The following ABTB3 variants were observed in gnomAD, a reference collection of about 807,000 sequenced individuals.
The protein encoded by ABTB3 is ankyrin repeat and BTB domain containing 3.
At chr12:107,432,948 T>C in the ABTB3 span, among the ~76,000 whole-genome samples, 1 of 152,152 alleles carries the variant, frequency 6.6e-6, no homozygotes, top group Non-Finnish European at 1.5e-5. Flanking sequence ...ACACACCTAT[T>C]TGCCTGCTTC....
chr12:107,387,339 C>T, the ABTB3 span, among the ~76,000 whole-genome samples: 7,586 of 152,216 alleles, frequency 0.05, 228 homozygotes, highest in Middle Eastern at 0.092. Flanking sequence ...CCTGCTCCTG[C>T]GGGTAAGTCT....
the ABTB3 span, among the ~76,000 whole-genome samples, chr12:107,646,290 C>A: frequency 1.3e-5 from 2 of 152,200 alleles, no homozygotes; most frequent in Admixed American, 1.3e-4. Flanking sequence ...CCTAGGCCAG[C>A]CCAATTTAAA....
the ABTB3 span, among the ~76,000 whole-genome samples, chr12:107,434,869 GAA>G: frequency 7.5e-6 from 1 of 132,758 alleles, no homozygotes. Context: ...GTTGTCTTGG[GAA>G]AAAAAAAAAA....
At chr12:107,325,715 C>T in the ABTB3 span, among the ~76,000 whole-genome samples, 6 of 152,132 alleles carry the variant, frequency 3.9e-5, no homozygotes, top group African/African-American at 1.4e-4. Flanking sequence ...TCATTATTAC[C>T]AGACTTATTA....
the ABTB3 span, among the ~76,000 whole-genome samples, chr12:107,514,237 G>A: frequency 6.6e-6 from 1 of 152,184 alleles, no homozygotes; most frequent in African/African-American, 2.4e-5. Context: ...CTTGCCGCCA[G>A]GCCAGTCCCA....
the ABTB3 span, among the ~76,000 whole-genome samples, chr12:107,465,951 A>G: frequency 6.6e-6 from 1 of 152,236 alleles, no homozygotes; most frequent in Non-Finnish European, 1.5e-5. Context: ...ATCACTTACC[A>G]AAGCCCTACT....
At chr12:107,494,640 T>C in the ABTB3 span, among the ~76,000 whole-genome samples, 4 of 152,156 alleles carry the variant, frequency 2.6e-5, no homozygotes, top group Non-Finnish European at 5.9e-5. Flanking sequence ...CTCTTTAATA[T>C]TCTTCTTCAG....
the ABTB3 span, among the ~76,000 whole-genome samples, chr12:107,372,963 A>G: frequency 3.9e-5 from 6 of 152,252 alleles, no homozygotes; most frequent in Admixed American, 3.3e-4. Context: ...TGGCCTAGAC[A>G]ATTCTTTCTT....
chr12:107,375,422 AATCATC>A, the ABTB3 span, among the ~76,000 whole-genome samples: 9,397 of 148,248 alleles, frequency 0.063, 698 homozygotes, highest in African/African-American at 0.18. Context: ...TGGTGTCAGA[AATCATC>A]ATCATCATCA....
chr12:107,568,833 G>C, the ABTB3 span, among the ~76,000 whole-genome samples: 2 of 124,294 alleles, frequency 1.6e-5, no homozygotes, highest in Non-Finnish European at 3.7e-5. Context: ...CGAAGCCCAG[G>C]GGGTGGAACA....
At chr12:107,549,784 G>C in the ABTB3 span, among the ~76,000 whole-genome samples, 313 of 152,306 alleles carry the variant, frequency 2.1e-3, 2 homozygotes, top group African/African-American at 7.1e-3. Flanking sequence ...ATCTGGCCTG[G>C]AGGTACCAGA....
the ABTB3 span, among the ~76,000 whole-genome samples, chr12:107,422,633 G>T: frequency 2.0e-5 from 3 of 152,154 alleles, no homozygotes; most frequent in Non-Finnish European, 4.4e-5. Flanking sequence ...GCAAGATTTG[G>T]GATCTATTTT....
At chr12:107,536,483 C>T in the ABTB3 span, among the ~76,000 whole-genome samples, 1 of 151,908 alleles carries the variant, frequency 6.6e-6, no homozygotes, top group African/African-American at 2.4e-5. Context: ...TAGTTGCAAA[C>T]TATTCACCTG....
At chr12:107,579,504 C>T in the ABTB3 span, among the ~76,000 whole-genome samples, 3 of 152,322 alleles carry the variant, frequency 2.0e-5, no homozygotes, top group East Asian at 5.8e-4. Context: ...TGGTCCTAGG[C>T]ATTCAGATGA....
At chr12:107,320,636 G>T in the ABTB3 span, 1 of 456,118 alleles carries the variant, frequency 2.2e-6, no homozygotes, top group Non-Finnish European at 4.4e-6. Flanking sequence ...AGTCGTAAAG[G>T]TGTGTGTGGT....
the ABTB3 span, among the ~76,000 whole-genome samples, chr12:107,332,096 C>G: frequency 6.6e-6 from 1 of 152,362 alleles, no homozygotes; most frequent in Admixed American, 6.5e-5. Context: ...TTTCCCTGAG[C>G]CCCACAGTGC....
the ABTB3 span, among the ~76,000 whole-genome samples, chr12:107,654,954 AG>A: frequency 6.6e-6 from 1 of 150,478 alleles, no homozygotes; most frequent in Non-Finnish European, 1.5e-5. Flanking sequence ...TGCAGAAGAG[AG>A]GGCTCTCTCT....
chr12:107,419,248 G>T, the ABTB3 span, among the ~76,000 whole-genome samples: 1 of 152,246 alleles, frequency 6.6e-6, no homozygotes, highest in African/African-American at 2.4e-5. Flanking sequence ...GCCTATGAGG[G>T]AGACATGTTT....
the ABTB3 span, chr12:107,520,654 C>T: frequency 6.2e-7 from 1 of 1,613,558 alleles, no homozygotes. Flanking sequence ...GATGTTGGTT[C>T]TCCAGCTCTC....
Sources: allele counts gnomAD v4.1 joint callset (sites outside exome capture counted in the v4.1 genomes callset), GRCh38; gene constraint gnomAD v4.1.1; transcripts MANE v1.5; gene names NCBI Gene and HGNC (gene_info 2026-07-23, HGNC 2026-07-21).